The following OSBP2 variants were observed in gnomAD, a reference collection of about 807,000 sequenced individuals.
OSBP2 encodes oxysterol-binding protein 2.
OSBP2 carries 66 observed loss-of-function variants against 96.0 expected under a neutral mutation model. The observed-to-expected ratio is 0.69, with a 90% CI of 0.56 to 0.84. OSBP2 has a LOEUF of 0.84. OSBP2 is among the 40% of genes least tolerant of loss of function. The pLI is 0.00. For synonymous variants in OSBP2, 525 were observed against 520.9 expected, an observed-to-expected ratio of 1.01 and a Z score of -0.11; for missense variants, 1,038 against 1,222.7, an observed-to-expected ratio of 0.85 and a Z score of 2.25.
intron 2 of OSBP2, among the ~76,000 whole-genome samples, chr22:30,867,486 CCT>C (rs1473255505): frequency 6.6e-6 from 1 of 152,118 alleles, no homozygotes; most frequent in African/African-American, 2.4e-5. Context: ...TCACTCATTC[CCT>C]CTCTCTCTTG....
intron 2 of OSBP2, among the ~76,000 whole-genome samples, chr22:30,860,027 G>A (rs964742626): frequency 1.3e-5 from 2 of 152,144 alleles, no homozygotes; most frequent in East Asian, 1.9e-4. Flanking sequence ...ATTATGGGAC[G>A]TTAAAGCTGG....
intron 2 of OSBP2, among the ~76,000 whole-genome samples, chr22:30,784,854 C>T (rs1200226829): frequency 6.6e-6 from 1 of 151,684 alleles, no homozygotes; most frequent in Admixed American, 6.6e-5. Flanking sequence ...CTCACTGCAA[C>T]CTCCACCTCT....
chr22:30,734,692 A>G (rs1046151414), intron 1 of OSBP2, among the ~76,000 whole-genome samples: 3 of 152,198 alleles, frequency 2.0e-5, no homozygotes, highest in African/African-American at 7.2e-5. Flanking sequence ...AAAACTGAAT[A>G]AAAAAGGTAA....
chr22:30,717,932 A>G (rs1602165049), intron 1 of OSBP2, among the ~76,000 whole-genome samples: 1 of 152,142 alleles, frequency 6.6e-6, no homozygotes, highest in South Asian at 2.1e-4. Flanking sequence ...GCAACTTCAA[A>G]ACACATTGCC....
chr22:30,836,087 T>C (rs136217), intron 2 of OSBP2, among the ~76,000 whole-genome samples: 114,883 of 152,082 alleles, frequency 0.76, 44,470 homozygotes, highest in African/African-American at 0.92. Context: ...TTCTCTTCTC[T>C]CCTCTGATCC....
intron 2 of OSBP2, chr22:30,844,690 CTG>C (rs2038832272): frequency 6.6e-6 from 1 of 152,224 alleles, no homozygotes; most frequent in South Asian, 2.1e-4. Context: ...AGCAATAAGA[CTG>C]TTTCCCTTAT....
intron 3 of OSBP2, chr22:30,872,569 C>A (rs112446420): frequency 0.048 from 17,130 of 359,848 alleles, 518 homozygotes; most frequent in Non-Finnish European, 0.06. Flanking sequence ...GCAGCTCCAG[C>A]ATCCGGGGAA....
chr22:30,884,314 CG>C (rs2039764859), intron 3 of OSBP2, among the ~76,000 whole-genome samples: 2 of 152,114 alleles, frequency 1.3e-5, no homozygotes, highest in Admixed American at 6.5e-5. Context: ...AGAATTTTGC[CG>C]GATGAGCGGA....
Position 30,796,848 on chromosome 22 carries a change from G to A in OSBP2, c.853+55479G>A, listed in dbSNP as rs140568619. ...TGTAGCAAAATACACATATCATAACGTTTACCATATTAACCACTTTTAAGT... is the reference window on the plus strand; with the variant it reads ...TGTAGCAAAATACACATATCATAACATTTACCATATTAACCACTTTTAAGT... On this transcript the variant is annotated intron_variant, in intron 2 of 13. Transcript: ENST00000332585. Among the ~76,000 whole-genome samples, 48 of 152,216 alleles carry A rather than the reference G, an allele frequency of 3.2e-4. 1 individual carries two copies. In the Middle Eastern group the frequency reaches 0.01, roughly 32 times the overall value.
chr22:30,836,643 C>A (rs2038639131), intron 2 of OSBP2, among the ~76,000 whole-genome samples: 1 of 152,168 alleles, frequency 6.6e-6, no homozygotes. Context: ...TGTCTTTGGG[C>A]AAGCTTTCAG....
rs143409901 is a variant in OSBP2 at position 30,895,255 on chromosome 22, AAAG to A, written c.2375+1269_2375+1271del. 3.3e-4 allele frequency among the ~76,000 whole-genome samples: 50 copies of A among 152,140 alleles called. 1 individual carries two copies. Among genetic ancestry groups the A allele is most frequent in the South Asian group, 3.1e-3 (15 of 4,814 alleles). On this transcript the variant is annotated intron_variant, in intron 12 of 13. Coordinates refer to ENST00000332585, the MANE Select transcript of OSBP2 (RefSeq NM_030758.4). ...CCCATTTAGCTGGAATCCCAGAAGG[AAAG>A]AAGAAGAAGAAGAAAAAAAACAAAG...
chr22:30,840,228 A>G (rs536732219), intron 2 of OSBP2, among the ~76,000 whole-genome samples: 123 of 151,900 alleles, frequency 8.1e-4, no homozygotes, highest in Middle Eastern at 6.8e-3. Flanking sequence ...AAAAGAAAGA[A>G]ACTTAAAGTG....
At position 30,907,296 on chromosome 22, in the gene OSBP2, T is replaced by A. The variant is rs528199417; in HGVS notation, c.*957T>A. 2.6e-5 allele frequency: 4 copies of A among 152,478 alleles called. No individual in the cohort carries two copies. The highest frequency in any genetic ancestry group is 4.4e-5 in the Non-Finnish European group (3 of 67,996). The allele number at this position is 152,478 out of a possible 1,614,324, so 9.4% of individuals were successfully genotyped here. On this transcript the variant is annotated 3_prime_UTR_variant, in exon 14 of 14. Coordinates refer to ENST00000332585, the MANE Select transcript of OSBP2 (RefSeq NM_030758.4). ...AGGGGTGCCCCATCTCAGTGTCCCC[T>A]GAACTCTTTATTTGCCTAATTTATA...
Position 30,811,167 on chromosome 22 carries a change from C to G in OSBP2, c.854-59262C>G, listed in dbSNP as rs995729884. 4.9e-3 allele frequency among the ~76,000 whole-genome samples: 717 copies of G among 146,652 alleles called. 8 individuals are homozygous for G. Among genetic ancestry groups the G allele is most frequent in the African/African-American group, 0.017 (693 of 40,090 alleles). ...CAAAGCCATATAAGTATACACAACC[C>G]CCCCCCCACACATACATATATAAAA... On this transcript the variant is annotated intron_variant, in intron 2 of 13. Transcript: ENST00000332585.
At chr22:30,880,502 C>T (rs988957280) in intron 3 of OSBP2, among the ~76,000 whole-genome samples, 13 of 152,232 alleles carry the variant, frequency 8.5e-5, no homozygotes, top group African/African-American at 2.7e-4. Flanking sequence ...CCACCTCCTC[C>T]GTGAGCCCAG....
At chr22:30,902,126 G>GAAAAAAAAAAAAAAAAAAAAAAAACAA (rs35391426) in intron 12 of OSBP2, 1 of 115,896 alleles carries the variant, frequency 8.6e-6, no homozygotes, top group Non-Finnish European at 1.4e-5. Context: ...AAAAAAAAAC[G>GAAAAAAAAAAAAAAAAAAAAAAAACAA]AAAAAAAAAA....
chr22:30,889,160 C>T lies in OSBP2; in HGVS notation c.1419-17C>T. 1 of 1,611,408 alleles carries T rather than the reference C, an allele frequency of 6.2e-7. No individual in the cohort carries two copies. Among genetic ancestry groups the T allele is most frequent in the Non-Finnish European group, 8.5e-7 (1 of 1,178,768 alleles). The stretch of plus-strand genomic sequence containing the variant: ...TCGGGATTCATTAGTAACTTGCCTC[C>T]CGCTTTGTATTTCCAGCAGAAAAGC... On this transcript the variant is annotated splice_polypyrimidine_tract_variant and intron_variant, in intron 5 of 13. Coordinates refer to ENST00000332585, the MANE Select transcript of OSBP2 (RefSeq NM_030758.4).
chr22:30,906,052 G>C lies in OSBP2; in HGVS notation c.2591G>C (p.Ser864Thr), dbSNP rs2147203792. 1 of 1,564,356 alleles carries C rather than the reference G, an allele frequency of 6.4e-7. No individual in the cohort carries two copies. Among genetic ancestry groups the C allele is most frequent in the Non-Finnish European group, 8.6e-7 (1 of 1,156,866 alleles). ...CTGGAGGCCTGCGGGCCGGGCAGCA[G>C]CTGCAGCTCGGAGGAAGGTGAGGCC... ...RRLEACGPGS[S>T]CSSEEEKEAD... The change falls in exon 13 of 14, where the codon AGC becomes ACC. Residue 864 changes from serine to threonine, a missense_variant. By Grantham distance (58) the Ser-to-Thr change is moderately conservative. Transcript: ENST00000332585.
chr22:30,862,748 T>C (rs1602376086), intron 2 of OSBP2, among the ~76,000 whole-genome samples: 5 of 151,544 alleles, frequency 3.3e-5, no homozygotes, highest in Non-Finnish European at 7.4e-5. Context: ...CTAAGGTGGG[T>C]GGATCACAAG....
Sources: gnomAD v4.1 joint callset for allele counts (sites outside exome capture counted in the v4.1 genomes callset) on GRCh38, gnomAD v4.1.1 for gene constraint, MANE v1.5 for transcripts, NCBI Gene and HGNC (gene_info 2026-07-23, HGNC 2026-07-21) for gene names.